Variants in RPL31 observed in about 807,000 individuals in gnomAD.
RPL31 encodes ribosomal protein L31, also known as large ribosomal subunit protein eL31.
For missense variants in RPL31, 95 were observed against 164.0 expected, an observed-to-expected ratio of 0.58 and a Z score of 2.30; for synonymous variants, 51 against 55.0, an observed-to-expected ratio of 0.93 and a Z score of 0.32.
At chr2:101,011,480 G>A (rs1679209000), downstream of RPL31, 5 of 1,613,934 alleles carry the variant, frequency 3.1e-6, no homozygotes, top group Admixed American at 1.7e-5. Context: ...CAGGGGTCTC[G>A]ATGTTGACAA....
rs2105350921 is a variant in RPL31 at position 101,006,448 on chromosome 2, C to T, written c.*67C>T. 6.8e-7 allele frequency: 1 copy of T among 1,460,854 alleles called. No individual in the cohort carries two copies. Among genetic ancestry groups the T allele is most frequent in the African/African-American group, 1.4e-5 (1 of 71,334 alleles). The allele number at this position is 1,460,854 out of a possible 1,614,324, so 90.5% of individuals were successfully genotyped here. A position where few individuals can be genotyped will look rare whatever the true frequency, so the allele number is the denominator to read the frequency against. On this transcript the variant is annotated 3_prime_UTR_variant, in exon 5 of 5. Coordinates refer to ENST00000264258, the MANE Select transcript of RPL31 (RefSeq NM_000993.5). Reference sequence around the variant, plus strand: ...ATGTTTTTGTTCTTTTTAGTTGCAACATAATGTACTTGTATACCCTATCCT... The same window carrying T: ...ATGTTTTTGTTCTTTTTAGTTGCAATATAATGTACTTGTATACCCTATCCT...
At chr2:101,003,395 C>T (rs1470252280) in intron 2 of RPL31, among the ~76,000 whole-genome samples, 1 of 152,122 alleles carries the variant, frequency 6.6e-6, no homozygotes, top group Non-Finnish European at 1.5e-5. Flanking sequence ...TCACTGCAAC[C>T]TCCGCCTCCC....
chr2:101,012,139 TTAGTA>T (rs1679262600), downstream of RPL31, among the ~76,000 whole-genome samples: 1 of 152,216 alleles, frequency 6.6e-6, no homozygotes, highest in Non-Finnish European at 1.5e-5. Flanking sequence ...CTCAGCCACT[TTAGTA>T]AACAGTCTGG....
At position 101,006,968 on chromosome 2, in the gene RPL31, AATTTGT is replaced by A. The variant is rs1678768717; in HGVS notation, c.*591_*596del. Reference sequence around the variant, plus strand: ...AGTTCCTTAAGGTATCAATAACAAAAATTTGTATTAATAGTTCAGTCCTAAAGCAGT... The same window carrying A: ...AGTTCCTTAAGGTATCAATAACAAAAATTAATAGTTCAGTCCTAAAGCAGT... On this transcript the variant is annotated 3_prime_UTR_variant, in exon 5 of 5. Transcript: ENST00000264258. 1 of 152,284 alleles carries A rather than the reference AATTTGT, an allele frequency of 6.6e-6. No homozygotes were observed. The highest frequency in any genetic ancestry group is 2.1e-4 in the South Asian group (1 of 4,832). 9.4% of individuals were successfully genotyped at this position (152,284 alleles called of 1,614,324 possible). A position where few individuals can be genotyped will look rare whatever the true frequency, so the allele number is the denominator to read the frequency against.
downstream of RPL31, chr2:101,011,204 T>C: frequency 5.7e-6 from 4 of 706,332 alleles, no homozygotes; most frequent in Non-Finnish European, 4.6e-6. Flanking sequence ...GGGGGACTTC[T>C]GCTCTAAGAG....
downstream of RPL31, among the ~76,000 whole-genome samples, chr2:101,009,667 G>A (rs530492999): frequency 1.3e-5 from 2 of 151,942 alleles, no homozygotes; most frequent in Admixed American, 1.3e-4. Flanking sequence ...CACAGTAGAC[G>A]AGCAGCATTT....
At chr2:101,010,795 CTGCT>C, downstream of RPL31, 1 of 659,638 alleles carries the variant, frequency 1.5e-6, no homozygotes, top group South Asian at 1.9e-5. Context: ...GGCAGGAGAA[CTGCT>C]TGAACCCTGG....
chr2:101,009,821 C>CATTTT (rs144990163), downstream of RPL31, among the ~76,000 whole-genome samples: 5 of 134,192 alleles, frequency 3.7e-5, 1 homozygote, highest in Non-Finnish European at 6.6e-5. Context: ...AAAAAAGGAG[C>CATTTT]TTTTTCTTTT....
chr2:101,019,068 T>G, exon 5 of RPL31: 1 of 1,601,742 alleles, frequency 6.2e-7, no homozygotes, highest in Non-Finnish European at 8.5e-7. Context: ...GGATGAGGCC[T>G]TGGGTCTCGG....
intron 4 of RPL31, among the ~76,000 whole-genome samples, chr2:101,015,599 T>C (rs1205741968): frequency 1.3e-5 from 2 of 152,210 alleles, no homozygotes; most frequent in African/African-American, 4.8e-5. Flanking sequence ...TCTTTTTAAC[T>C]TTTCTGTTAA....
At chr2:101,009,971 G>A (rs372380757), downstream of RPL31, among the ~76,000 whole-genome samples, 117 of 151,860 alleles carry the variant, frequency 7.7e-4, 2 homozygotes, top group African/African-American at 2.7e-3. Context: ...ACAGGCGCCC[G>A]CCACCACGTC....
chr2:101,002,984 A>G (rs1024144917), intron 2 of RPL31, among the ~76,000 whole-genome samples, 176 bp downstream of exon 2: 1 of 152,192 alleles, frequency 6.6e-6, no homozygotes, highest in African/African-American at 2.4e-5. Context: ...CAGTCTGACC[A>G]GCTGCATTGG....
At chr2:101,004,555 G>A (rs1678647597) in intron 3 of RPL31, 2 of 452,580 alleles carry the variant, frequency 4.4e-6, no homozygotes, top group African/African-American at 2.0e-5. Flanking sequence ...TCTGGGAGCG[G>A]GGTGGTGAAC....
chr2:101,016,316 T>C (rs1320561181), intron 4 of RPL31, among the ~76,000 whole-genome samples: 10 of 151,624 alleles, frequency 6.6e-5, no homozygotes, highest in Non-Finnish European at 1.3e-4. Flanking sequence ...AAAAGACACA[T>C]GAAAAAATGC....
chr2:101,016,634 T>C (rs11686831), intron 4 of RPL31, among the ~76,000 whole-genome samples: 28,548 of 152,012 alleles, frequency 0.19, 2,889 homozygotes, highest in Middle Eastern at 0.32. Context: ...CGTATGTTTA[T>C]TGCGGCACTA....
downstream of RPL31, chr2:101,008,297 TAGC>T (rs1469815342): frequency 6.7e-7 from 1 of 1,495,684 alleles, no homozygotes; most frequent in South Asian, 1.4e-5. Flanking sequence ...AAGTCTTAGG[TAGC>T]AGCAGAACCA....
At chr2:101,010,016 C>A (rs143377131), downstream of RPL31, among the ~76,000 whole-genome samples, 1,242 of 151,782 alleles carry the variant, frequency 8.2e-3, 18 homozygotes, top group African/African-American at 0.029. Flanking sequence ...TTAGTAGAGA[C>A]GGGGTTTCAC....
intron 4 of RPL31, among the ~76,000 whole-genome samples, chr2:101,014,570 G>A (rs528137534): frequency 3.9e-5 from 6 of 152,282 alleles, no homozygotes; most frequent in Admixed American, 1.3e-4. Context: ...AATCCTGGCT[G>A]GATTCATCAT....
intron 3 of RPL31, 99 bp from the exon 4 acceptor site, chr2:101,005,860 C>T: frequency 1.0e-6 from 1 of 1,001,176 alleles, no homozygotes; most frequent in Non-Finnish European, 1.5e-6. Flanking sequence ...GAGCAAAGGA[C>T]AGCATTAGAA....
Sources: gnomAD v4.1 joint callset for allele counts (sites outside exome capture counted in the v4.1 genomes callset) on GRCh38, gnomAD v4.1.1 for gene constraint, MANE v1.5 for transcripts, NCBI Gene and HGNC (gene_info 2026-07-23, HGNC 2026-07-21) for gene names.